Variants in INSYN2A observed in about 807,000 individuals in gnomAD.
INSYN2A encodes family with sequence similarity 196 member A.
Under a neutral mutation model 39.4 loss-of-function variants are expected in INSYN2A, and 17 were observed. The ratio of observed to expected loss-of-function variants is 0.43; its 90% CI spans 0.30 to 0.65. INSYN2A has a LOEUF of 0.65. Ranked by LOEUF, INSYN2A falls within the 30% of genes least tolerant of loss-of-function variation. The pLI, the probability that INSYN2A is intolerant of heterozygous loss-of-function variation, is 0.14. For missense variants in INSYN2A, 595 were observed against 631.2 expected (o/e 0.94, Z 0.61); for synonymous variants, 255 against 265.7 (o/e 0.96, Z 0.39).
chr10:127,177,321 A>T (rs982517273), intron 2 of INSYN2A, among the ~76,000 whole-genome samples, 182 bp from the exon 3 acceptor site: 2 of 152,228 alleles, frequency 1.3e-5, no homozygotes, highest in Admixed American at 6.5e-5. Flanking sequence ...AAATGCAGCT[A>T]AAAAGATGCA....
chr10:127,150,336 C>T (rs1291429105), intron 5 of INSYN2A, among the ~76,000 whole-genome samples: 1 of 150,610 alleles, frequency 6.6e-6, no homozygotes, highest in Non-Finnish European at 1.5e-5. Flanking sequence ...CCATTGCTCA[C>T]CCTCCCCTTT....
At chr10:127,180,622 C>A (rs2055634981) in intron 2 of INSYN2A, among the ~76,000 whole-genome samples, 1 of 152,118 alleles carries the variant, frequency 6.6e-6, no homozygotes. Flanking sequence ...TGACGGAGAA[C>A]CATCTCTGCA....
rs374656857 is a variant in INSYN2A, at chr10:127,159,159, A to G, written c.1185-5236T>C. 4.6e-5 allele frequency among the ~76,000 whole-genome samples: 7 copies of G among 152,352 alleles called. No individual in the cohort carries two copies. The East Asian group carries it at 9.6e-4, about 21-fold the overall frequency. On this transcript the variant is annotated intron_variant, in intron 4 of 5. Transcript: ENST00000522781. ...AAACAGAAGGGATCTGGACAAGCCA[A>G]TTCTACAAGGTGGTTTTTGTGGAGT...
chr10:127,162,260 C>A (rs545258239), intron 4 of INSYN2A, among the ~76,000 whole-genome samples: 3 of 152,244 alleles, frequency 2.0e-5, no homozygotes, highest in Admixed American at 2.0e-4. Context: ...TATGAACATG[C>A]ATTTTCTATA....
chr10:127,149,205 G>T lies in INSYN2A; in HGVS notation c.1256+4647C>A, dbSNP rs11016484. On this transcript the variant is annotated intron_variant, in intron 5 of 5. Transcript: ENST00000522781. The stretch of plus-strand genomic sequence containing the variant: ...GGATTTCAGATCTGGAAGGGACCTT[G>T]ATGATCCCTTAGTGCAACCCCAGAG... Among the ~76,000 whole-genome samples the T allele has an allele frequency of 6.6e-3, 1,000 of 152,286 alleles. 4 individuals carry two copies. The highest frequency in any genetic ancestry group is 0.011 in the Admixed American group (176 of 15,306).
intron 4 of INSYN2A, among the ~76,000 whole-genome samples, chr10:127,172,760 T>G (rs1476432858): frequency 6.6e-6 from 1 of 152,154 alleles, no homozygotes. Context: ...GATTTTAAAG[T>G]AAAACCATCC....
At chr10:127,169,643 C>T (rs577886863) in intron 4 of INSYN2A, among the ~76,000 whole-genome samples, 1 of 152,286 alleles carries the variant, frequency 6.6e-6, no homozygotes, top group African/African-American at 2.4e-5. Flanking sequence ...GATACAATGG[C>T]AGAGTTGAAT....
At position 127,194,581 on chromosome 10, in the gene INSYN2A, A is replaced by C. The variant is rs552238095; in HGVS notation, c.-395+1416T>G. The stretch of plus-strand genomic sequence containing the variant: ...GCTTAATAAGGGTTATATCATTTTC[A>C]TGTATGTACTACTCTGGGAATGGCC... On this transcript the variant is annotated intron_variant, in intron 1 of 5. Transcript: ENST00000522781. Among the ~76,000 whole-genome samples the C allele has an allele frequency of 3.9e-5, 6 of 152,324 alleles. No homozygotes were observed. In the South Asian group the frequency reaches 1.2e-3, roughly 32 times the overall value.
rs1048165053 is a variant in INSYN2A, at chr10:127,136,855, C to T, written c.*982G>A. On this transcript the variant is annotated 3_prime_UTR_variant, in exon 6 of 6. Transcript: ENST00000522781. The stretch of plus-strand genomic sequence containing the variant: ...CTTCCACCATTAATACAAAGCATAA[C>T]GAATTGTACATAACGTCTGGCTGCA... The T allele has an allele frequency of 6.6e-6, 1 of 152,452 alleles. No individual in the cohort carries two copies. The highest frequency in any genetic ancestry group is 1.5e-5 in the Non-Finnish European group (1 of 68,002). 9.4% of individuals were successfully genotyped at this position (152,452 alleles called of 1,614,324 possible).
intron 4 of INSYN2A, among the ~76,000 whole-genome samples, chr10:127,156,166 A>G (rs191611902): frequency 8.3e-4 from 126 of 152,310 alleles, no homozygotes; most frequent in Non-Finnish European, 1.1e-3. Context: ...AGCCTCATCA[A>G]CATCAACACT....
chr10:127,155,158 A>G (rs1292116850), intron 4 of INSYN2A, among the ~76,000 whole-genome samples: 1 of 152,222 alleles, frequency 6.6e-6, no homozygotes, highest in East Asian at 1.9e-4. Context: ...TCTTCTGTCA[A>G]CATTGCTAGT....
chr10:127,157,289 A>G (rs1174966733), intron 4 of INSYN2A, among the ~76,000 whole-genome samples: 1 of 152,196 alleles, frequency 6.6e-6, no homozygotes, highest in African/African-American at 2.4e-5. Context: ...AACATCCTGC[A>G]GTGGGAATGA....
At chr10:127,166,864 A>T (rs187394239) in intron 4 of INSYN2A, among the ~76,000 whole-genome samples, 173 of 152,130 alleles carry the variant, frequency 1.1e-3, no homozygotes, top group African/African-American at 4.1e-3. Context: ...TTTATCTGCA[A>T]ATGGGCTGTC....
At chr10:127,191,488 A>G in intron 2 of INSYN2A, among the ~76,000 whole-genome samples, 1 of 152,204 alleles carries the variant, frequency 6.6e-6, no homozygotes, top group East Asian at 1.9e-4. Flanking sequence ...GGATGCTAAA[A>G]TCACTTACTA....
intron 2 of INSYN2A, among the ~76,000 whole-genome samples, chr10:127,183,782 T>A (rs1222466561): frequency 1.3e-5 from 2 of 152,160 alleles, no homozygotes; most frequent in African/African-American, 4.8e-5. Flanking sequence ...AAAAGGTCTA[T>A]ATATTGTATA....
intron 4 of INSYN2A, among the ~76,000 whole-genome samples, chr10:127,166,232 A>AT (rs1240588476): frequency 6.6e-6 from 1 of 151,830 alleles, no homozygotes; most frequent in Non-Finnish European, 1.5e-5. Flanking sequence ...CGCCCAGCTA[A>AT]TTTTTTTTAT....
chr10:127,156,868 C>T (rs569442522), intron 4 of INSYN2A, among the ~76,000 whole-genome samples: 238 of 152,168 alleles, frequency 1.6e-3, no homozygotes, highest in Middle Eastern at 0.01. Context: ...ATGCCTGGCC[C>T]GAGATATTGC....
chr10:127,185,415 A>T (rs570351379), intron 2 of INSYN2A, among the ~76,000 whole-genome samples: 35 of 152,194 alleles, frequency 2.3e-4, no homozygotes, highest in Non-Finnish European at 4.0e-4. Flanking sequence ...AATCCCAGCT[A>T]CTTGGGAGGC....
At chr10:127,156,588 A>G (rs1352996362) in intron 4 of INSYN2A, among the ~76,000 whole-genome samples, 1 of 79,320 alleles carries the variant, frequency 1.3e-5, no homozygotes, top group African/African-American at 5.3e-5. Context: ...TTTTTTTGAG[A>G]CCAAGTTTCG....
Sources: gnomAD v4.1 joint callset for allele counts (sites outside exome capture counted in the v4.1 genomes callset) on GRCh38, gnomAD v4.1.1 for gene constraint, MANE v1.5 for transcripts, NCBI Gene and HGNC (gene_info 2026-07-23, HGNC 2026-07-21) for gene names.